ZNF652: variants seen among roughly 807,000 people sequenced by gnomAD.
ZNF652 encodes zinc finger protein 652.
A neutral mutation model predicts 45.2 loss-of-function variants in ZNF652; 16 were observed. The observed-to-expected ratio is 0.35, with a 90% CI of 0.24 to 0.54. ZNF652 has a LOEUF of 0.54. ZNF652 is among the 20% of genes least tolerant of loss of function. The pLI is 0.91. For missense variants in ZNF652, 614 were observed against 765.6 expected (o/e 0.80, Z 2.34); for synonymous variants, 250 against 260.6 (o/e 0.96, Z 0.39).
chr17:49,325,985 T>G (rs2069951841), intron 1 of ZNF652, among the ~76,000 whole-genome samples: 1 of 152,188 alleles, frequency 6.6e-6, no homozygotes, highest in Admixed American at 6.5e-5. Flanking sequence ...CCATAAGTCC[T>G]GTTTACTTTA....
At chr17:49,304,168 G>A (rs936003079) in intron 5 of ZNF652, among the ~76,000 whole-genome samples, 1 of 150,842 alleles carries the variant, frequency 6.6e-6, no homozygotes, top group Non-Finnish European at 1.5e-5. Context: ...CCAAAGTGCT[G>A]GGATTACAGG....
chr17:49,334,779 CAAA>C (rs5820756), intron 1 of ZNF652, among the ~76,000 whole-genome samples: 1 of 115,650 alleles, frequency 8.6e-6, no homozygotes. Context: ...ACTCGATCTC[CAAA>C]AAAAAAAAAA....
chr17:49,347,105 T>A (rs1342867383), intron 1 of ZNF652, among the ~76,000 whole-genome samples: 1 of 152,202 alleles, frequency 6.6e-6, no homozygotes, highest in Non-Finnish European at 1.5e-5. Context: ...AATCCACTGG[T>A]CACCTTTAGA....
intron 5 of ZNF652, among the ~76,000 whole-genome samples, chr17:49,303,258 T>TTTTTTTTTTTTTTTTA: frequency 2.0e-5 from 3 of 149,740 alleles, no homozygotes; most frequent in African/African-American, 7.4e-5. Flanking sequence ...TTTTTTTTTT[T>TTTTTTTTTTTTTTTTA]GAGACAGGGT....
At position 49,308,479 on chromosome 17, in the gene ZNF652, A is replaced by G. The variant is rs574709199; in HGVS notation, c.1309+2833T>C. On this transcript the variant is annotated intron_variant, in intron 5 of 5. Transcript: ENST00000430262. ...GGCATGAGCCACCATGTCCAGGTGC[A>G]TATGAATTACACTTTTAATGAGAAA... 3.9e-4 allele frequency among the ~76,000 whole-genome samples: 59 copies of G among 152,258 alleles called. 1 individual carries two copies. Among genetic ancestry groups the G allele is most frequent in the African/African-American group, 1.3e-3 (56 of 41,570 alleles).
chr17:49,317,321 C>A lies in ZNF652; in HGVS notation c.405G>T (p.Lys135Asn). ...TCTCTTTGGACTGAGAAGAGACACC[C>A]TTTTCCCCTTTAGATACATTTAATG... ...NQTLNVSKGE[K>N]GVSSQSKETP... The change falls in exon 2 of 6, where the codon AAG becomes AAT. Residue 135 changes from lysine (K) to asparagine (N), a missense_variant. This residue lies in a region of ZNF652 where 262 missense variants were observed against 306.3 expected (regional missense o/e 0.86). Transcript: ENST00000430262. 6.2e-7 allele frequency: 1 copy of A among 1,613,384 alleles called. No homozygotes were observed. The highest frequency in any genetic ancestry group is 8.5e-7 in the Non-Finnish European group (1 of 1,180,014).
rs999801364 is a variant in ZNF652 at position 49,293,845 on chromosome 17, A to C, written c.*4568T>G. ...AATGTAATGTATCCCTTTTTTCATT[A>C]AGTACTTCTCATACAGTCTAGAACA... On this transcript the variant is annotated 3_prime_UTR_variant, in exon 6 of 6. Transcript: ENST00000430262. Among the ~76,000 whole-genome samples the C allele has an allele frequency of 1.3e-5, 2 of 152,066 alleles. No individual in the cohort carries two copies. The highest frequency in any genetic ancestry group is 4.8e-5 in the African/African-American group (2 of 41,422).
chr17:49,341,984 G>A (rs1042113813), intron 1 of ZNF652, among the ~76,000 whole-genome samples: 2 of 152,094 alleles, frequency 1.3e-5, no homozygotes, highest in Admixed American at 6.6e-5. Flanking sequence ...TCAGGAGTTC[G>A]AGACCAGCCT....
At chr17:49,300,515 C>T (rs1025047134) in intron 5 of ZNF652, among the ~76,000 whole-genome samples, 1 of 152,178 alleles carries the variant, frequency 6.6e-6, no homozygotes, top group African/African-American at 2.4e-5. Flanking sequence ...TGCTTCTCTA[C>T]CCAGGCTATA....
At chr17:49,351,807 G>C (rs200683857) in intron 1 of ZNF652, among the ~76,000 whole-genome samples, 3 of 152,062 alleles carry the variant, frequency 2.0e-5, no homozygotes, top group East Asian at 3.9e-4. Flanking sequence ...AACATAGTGA[G>C]AGCCCACCTA....
In ZNF652 at chr17:49,297,113, A is replaced by C. The variant is rs1243369252; in HGVS notation, c.*1300T>G. ...AAGGTTGTGAACATATCCACATTTT[A>C]CATATAATAGATATTTCAAAATTCA... is the stretch of plus-strand genomic sequence containing the variant. On this transcript the variant is annotated 3_prime_UTR_variant, in exon 6 of 6. Transcript: ENST00000430262. 6.6e-6 allele frequency: 1 copy of C among 152,206 alleles called. No individual in the cohort carries two copies. The highest frequency in any genetic ancestry group is 1.5e-5 in the Non-Finnish European group (1 of 68,030). The allele number at this position is 152,206 out of a possible 1,614,324, so 9.4% of individuals were successfully genotyped here.
chr17:49,341,482 A>C (rs1410870028), intron 1 of ZNF652, among the ~76,000 whole-genome samples: 1 of 91,048 alleles, frequency 1.1e-5, no homozygotes, highest in Non-Finnish European at 2.1e-5. Flanking sequence ...GTACGACCTC[A>C]TCTCTACAAA....
At chr17:49,315,038 G>GTTAGT (rs1567921234) in intron 2 of ZNF652, among the ~76,000 whole-genome samples, 4 of 107,720 alleles carry the variant, frequency 3.7e-5, no homozygotes, top group Admixed American at 1.1e-4. Context: ...GAGGGTTTTA[G>GTTAGT]TTTGTTTTTT....
At chr17:49,326,875 T>G (rs1264525055) in intron 1 of ZNF652, among the ~76,000 whole-genome samples, 2 of 152,238 alleles carry the variant, frequency 1.3e-5, no homozygotes, top group African/African-American at 4.8e-5. Flanking sequence ...ATGTAGAGAC[T>G]GCTACGCATC....
chr17:49,339,578 C>T (rs111580450), intron 1 of ZNF652, among the ~76,000 whole-genome samples: 1 of 152,076 alleles, frequency 6.6e-6, no homozygotes, highest in Non-Finnish European at 1.5e-5. Flanking sequence ...GGGCAGACAG[C>T]GACCCTCATT....
At chr17:49,338,766 G>T (rs2070111831) in intron 1 of ZNF652, among the ~76,000 whole-genome samples, 1 of 152,092 alleles carries the variant, frequency 6.6e-6, no homozygotes, top group South Asian at 2.1e-4. Context: ...TGAGGAGACA[G>T]GATAAACAGA....
intron 1 of ZNF652, among the ~76,000 whole-genome samples, chr17:49,348,702 AG>A (rs2070238040): frequency 6.6e-6 from 1 of 152,134 alleles, no homozygotes; most frequent in African/African-American, 2.4e-5. Context: ...AATGATGCTC[AG>A]GAAGTTTTTA....
intron 1 of ZNF652, among the ~76,000 whole-genome samples, chr17:49,328,537 C>T (rs1021684169): frequency 6.6e-6 from 1 of 152,068 alleles, no homozygotes; most frequent in Non-Finnish European, 1.5e-5. Context: ...CCAGTGCTGT[C>T]CTCGAAGGAA....
intron 1 of ZNF652, among the ~76,000 whole-genome samples, chr17:49,361,633 C>T (rs2070395654): frequency 6.6e-6 from 1 of 152,096 alleles, no homozygotes; most frequent in Non-Finnish European, 1.5e-5. Context: ...CGAGCGGACC[C>T]GCTGCAAAAC....
Sources: allele counts gnomAD v4.1 joint callset (sites outside exome capture counted in the v4.1 genomes callset), GRCh38; gene constraint gnomAD v4.1.1; regional missense constraint gnomAD v4.1.1; transcripts MANE v1.5; gene names NCBI Gene and HGNC (gene_info 2026-07-23, HGNC 2026-07-21).